APTX: variants seen among roughly 807,000 people sequenced by gnomAD.
The protein encoded by APTX is forkhead-associated domain histidine triad-like protein.
APTX carries 33 observed loss-of-function variants against 42.3 expected under a neutral mutation model. That is an observed-to-expected ratio of 0.78 (90% CI 0.59 to 1.04). The LOEUF is 1.04. Among genes scored for constraint, APTX ranks in the 50% least tolerant of loss-of-function variants. The probability of loss-of-function intolerance (pLI) is 0.00; values close to 1 mark genes in which losing one functional copy is unlikely to be tolerated. For synonymous variants in APTX, 130 were observed against 146.7 expected (o/e 0.89, Z 0.82); for missense variants, 421 against 415.1 (o/e 1.01, Z -0.12).
chr9:32,984,919 T>C (rs573868749), intron 5 of APTX, 62 bp from the exon 6 acceptor site: 7 of 1,452,750 alleles, frequency 4.8e-6, no homozygotes, highest in Non-Finnish European at 6.8e-6. Flanking sequence ...TGTGCCTGGT[T>C]GTTATATTCA....
intron 6 of APTX, among the ~76,000 whole-genome samples, chr9:32,981,455 C>A (rs1005969302): frequency 6.6e-6 from 1 of 152,058 alleles, no homozygotes; most frequent in Non-Finnish European, 1.5e-5. Context: ...AGGATTCATA[C>A]ATGCATTTCT....
At chr9:32,994,738 T>C (rs1834427599) in intron 1 of APTX, among the ~76,000 whole-genome samples, 1 of 152,254 alleles carries the variant, frequency 6.6e-6, no homozygotes, top group African/African-American at 2.4e-5. Context: ...TTGATGCTAC[T>C]GGAAGAAAAT....
intron 1 of APTX, among the ~76,000 whole-genome samples, chr9:32,992,175 T>G (rs538265725): frequency 1.3e-5 from 2 of 152,242 alleles, no homozygotes; most frequent in African/African-American, 4.8e-5. Flanking sequence ...CCCGGAAACC[T>G]GCCTATAGTC....
chr9:32,996,368 TG>T, intron 1 of APTX, among the ~76,000 whole-genome samples: 1 of 151,922 alleles, frequency 6.6e-6, no homozygotes, highest in African/African-American at 2.4e-5. Context: ...TCAACTTCCT[TG>T]GGCTAAAGTG....
chr9:32,973,785 C>T, intron 7 of APTX, 133 bp from the exon 8 acceptor site: 1 of 1,231,152 alleles, frequency 8.1e-7, no homozygotes. Context: ...GCTCCGTAAG[C>T]TTAGTTTAGA....
chr9:33,012,306 G>T (rs747448275), intron 1 of APTX, among the ~76,000 whole-genome samples: 2 of 151,960 alleles, frequency 1.3e-5, no homozygotes, highest in Non-Finnish European at 2.9e-5. Flanking sequence ...AAAAAAGAAC[G>T]CAAAATTTTT....
At chr9:33,024,866 G>GGC (rs1554677530) in intron 1 of APTX, 2 of 86,914 alleles carry the variant, frequency 2.3e-5, no homozygotes, top group African/African-American at 3.9e-5. Flanking sequence ...GTAAGAGGGG[G>GGC]GGGGGGGGGG....
chr9:32,987,695 G>A lies in APTX; in HGVS notation c.332C>T (p.Thr111Ile). 1.2e-6 allele frequency: 2 copies of A among 1,614,106 alleles called. No homozygotes were observed. The highest frequency in any genetic ancestry group is 1.1e-5 in the South Asian group (1 of 91,076). Residue 111 changes from threonine (T) to isoleucine (I), a missense_variant, in exon 4 of 8, where the codon ACA becomes ATA. Physicochemically the swap from Thr to Ile is moderately conservative, Grantham distance 89. Transcript: ENST00000379817. Reference sequence around the variant, plus strand: ...GCCTGATCTCTTTCTCTTCCTGTGTGTTTCCAGGCCAGGGTTCTTTGCCTC... The same window carrying A: ...GCCTGATCTCTTTCTCTTCCTGTGTATTTCCAGGCCAGGGTTCTTTGCCTC... The part of the protein sequence containing the change: ...EEEAKNPGLE[T>I]HRKRKRSGNS...
Position 32,989,893 on chromosome 9 carries a change from ACT to A in APTX, c.-4_-3del. 6.2e-7 allele frequency: 1 copy of A among 1,613,562 alleles called. No homozygotes were observed. Reference sequence around the variant, plus strand: ...CACCAACCAGCACACCCGCATCATCACTCTAAGGGACAAAACAAAAGAATCAC... The same window carrying A: ...CACCAACCAGCACACCCGCATCATCACTAAGGGACAAAACAAAAGAATCAC... On this transcript the variant is annotated splice_region_variant and 5_prime_UTR_variant, in exon 2 of 8. Coordinates refer to ENST00000379817, the MANE Select transcript of APTX (RefSeq NM_001195248.2).
chr9:33,019,382 A>G (rs1838178086), intron 1 of APTX, among the ~76,000 whole-genome samples: 1 of 151,368 alleles, frequency 6.6e-6, no homozygotes, highest in African/African-American at 2.5e-5. Context: ...TTAATTAAAA[A>G]CTAAATATTC....
chr9:33,010,860 G>A (rs894234163), intron 1 of APTX, among the ~76,000 whole-genome samples: 2 of 152,072 alleles, frequency 1.3e-5, no homozygotes, highest in African/African-American at 4.8e-5. Context: ...TGGTGAGGAT[G>A]GCCGGGCGTG....
At position 32,988,147 on chromosome 9, in the gene APTX, A is replaced by C; in HGVS notation, c.134-18T>G. ...CAACTGTACTGAAAGAGATTGGAAA[A>C]AGTTAAACACAAATGCAACAAAGAA... On this transcript the variant is annotated intron_variant, in intron 2 of 7. Transcript: ENST00000379817. 6.2e-7 allele frequency: 1 copy of C among 1,613,198 alleles called. No individual in the cohort carries two copies. Among genetic ancestry groups the C allele is most frequent in the South Asian group, 1.1e-5 (1 of 91,062 alleles).
intron 1 of APTX, among the ~76,000 whole-genome samples, chr9:33,023,172 G>C (rs1213302717): frequency 6.6e-6 from 1 of 151,170 alleles, no homozygotes; most frequent in African/African-American, 2.4e-5. Context: ...GTTTGTTTCT[G>C]GTTCCCTATG....
chr9:32,986,039 AAAAC>A lies in APTX; in HGVS notation c.484-13_484-10del, dbSNP rs762201255. 70 of 658,246 alleles carry A rather than the reference AAAAC, an allele frequency of 1.1e-4. No individual in the cohort carries two copies. Among genetic ancestry groups the A allele is most frequent in the Non-Finnish European group, 1.4e-4 (62 of 448,182 alleles). The allele number at this position is 658,246 out of a possible 1,614,324, so 40.8% of individuals were successfully genotyped here. On this transcript the variant is annotated splice_polypyrimidine_tract_variant and intron_variant, in intron 4 of 7. Coordinates refer to ENST00000379817, the MANE Select transcript of APTX (RefSeq NM_001195248.2). ...CAGTGGCCCAGGGATTCCTAAAAAA[AAAAC>A]AAAAAAAAAAACAAAAAAAAAAAAA...
chr9:33,001,317 C>A (rs1393160329), intron 1 of APTX: 2 of 1,511,922 alleles, frequency 1.3e-6, no homozygotes, highest in Non-Finnish European at 1.8e-6. Context: ...GCTTGTGTTG[C>A]GACCAAGGTA....
At chr9:32,994,772 G>A (rs1175151414) in intron 1 of APTX, among the ~76,000 whole-genome samples, 1 of 152,218 alleles carries the variant, frequency 6.6e-6, no homozygotes. Flanking sequence ...TTCACAGGTA[G>A]AGAGAAGTCA....
intron 6 of APTX, among the ~76,000 whole-genome samples, chr9:32,979,244 A>G (rs1480932486): frequency 1.3e-5 from 2 of 151,992 alleles, no homozygotes; most frequent in African/African-American, 4.8e-5. Context: ...CTTTGTGTCC[A>G]TGTGTGCTCC....
At chr9:32,979,067 T>A (rs567002260) in intron 6 of APTX, among the ~76,000 whole-genome samples, 1 of 152,282 alleles carries the variant, frequency 6.6e-6, no homozygotes, top group East Asian at 1.9e-4. Flanking sequence ...GGTTCAGGGA[T>A]CCATGTGCAG....
At chr9:33,012,733 C>G (rs1170290889) in intron 1 of APTX, among the ~76,000 whole-genome samples, 2 of 152,136 alleles carry the variant, frequency 1.3e-5, no homozygotes, top group African/African-American at 4.8e-5. Flanking sequence ...AAGCCCTGCC[C>G]CAACTGCGGA....
Sources: gnomAD v4.1 joint callset for allele counts (sites outside exome capture counted in the v4.1 genomes callset) on GRCh38, gnomAD v4.1.1 for gene constraint, MANE v1.5 for transcripts, NCBI Gene and HGNC (gene_info 2026-07-23, HGNC 2026-07-21) for gene names.